The following SLC25A25 variants were observed in gnomAD, a reference collection of about 807,000 sequenced individuals.
SLC25A25 encodes the protein mitochondrial adenyl nucleotide antiporter SLC25A25.
Under a neutral mutation model 57.7 loss-of-function variants are expected in SLC25A25, and 32 were observed. That is an observed-to-expected ratio of 0.55 (90% CI 0.42 to 0.74). The LOEUF is 0.74. SLC25A25 is among the 30% of genes least tolerant of loss of function. The pLI is 0.00. For synonymous variants in SLC25A25, 306 were observed against 291.2 expected (o/e 1.05, Z -0.52); for missense variants, 556 against 701.3 (o/e 0.79, Z 2.34).
At chr9:128,100,922 G>C in intron 1 of SLC25A25, 174 bp from the exon 2 acceptor site, 1 of 813,574 alleles carries the variant, frequency 1.2e-6, no homozygotes, top group East Asian at 2.7e-5. Context: ...TGGTGGCTCT[G>C]GCATGTAAGT....
In SLC25A25 at chr9:128,068,434, G is replaced by A. The variant is rs747145716; in HGVS notation, c.115G>A (p.Ala39Thr). ...PASVGDPCGG[A>T]ICGGPDHRLR... Reference sequence around the variant, plus strand: ...GTCCGTGGGGGACCCCTGCGGCGGCGCTATCTGCGGGGGCCCGGACCACCG... The same window carrying A: ...GTCCGTGGGGGACCCCTGCGGCGGCACTATCTGCGGGGGCCCGGACCACCG... Residue 39 changes from alanine to threonine, a missense_variant, in exon 1 of 11, where the codon GCT (alanine) becomes ACT (threonine). Ala to Thr is a moderately conservative substitution (Grantham distance 58). Transcript: ENST00000373069. 3.9e-6 allele frequency: 6 copies of A among 1,557,844 alleles called. No individual in the cohort carries two copies. Among genetic ancestry groups the A allele is most frequent in the East Asian group, 2.4e-5 (1 of 41,498 alleles).
intron 1 of SLC25A25, among the ~76,000 whole-genome samples, chr9:128,093,439 T>C (rs1833467758): frequency 6.6e-6 from 1 of 152,242 alleles, no homozygotes; most frequent in Non-Finnish European, 1.5e-5. Flanking sequence ...AGTTAACTGC[T>C]CTATTTTTCA....
intron 1 of SLC25A25, among the ~76,000 whole-genome samples, chr9:128,072,411 G>A (rs1205552911): frequency 6.6e-6 from 1 of 152,220 alleles, no homozygotes; most frequent in Non-Finnish European, 1.5e-5. Context: ...TATGAAACCA[G>A]TGTGAGATGC....
chr9:128,108,798 G>GC lies in SLC25A25; in HGVS notation c.*1359dup, dbSNP rs1834155578. 6.6e-6 allele frequency: 1 copy of GC among 152,232 alleles called. No homozygotes were observed. Among genetic ancestry groups the GC allele is most frequent in the Non-Finnish European group, 1.5e-5 (1 of 68,050 alleles). 9.4% of individuals were successfully genotyped at this position (152,232 alleles called of 1,614,324 possible). A position where few individuals can be genotyped will look rare whatever the true frequency, so the allele number is the denominator to read the frequency against. On this transcript the variant is annotated 3_prime_UTR_variant, in exon 11 of 11. Coordinates refer to ENST00000373069, the MANE Select transcript of SLC25A25 (RefSeq NM_001330988.2). ...CCTTTGGCAGGTTGGGGAAGGGCTT[G>GC]CCCCCAGCCTTAGGATTTCAGGGTT...
chr9:128,106,090 G>A, intron 7 of SLC25A25, 60 bp from the exon 8 acceptor site: 4 of 1,600,246 alleles, frequency 2.5e-6, no homozygotes, highest in Non-Finnish European at 3.4e-6. Context: ...GAAGGGAGGG[G>A]CAGCAGCAGG....
intron 1 of SLC25A25, among the ~76,000 whole-genome samples, chr9:128,096,235 G>A (rs1224415752): frequency 2.6e-5 from 4 of 152,156 alleles, no homozygotes; most frequent in East Asian, 1.9e-4. Context: ...GAGGCTAGGC[G>A]CAGTGGCTCA....
chr9:128,076,429 C>T (rs959093475), intron 1 of SLC25A25, among the ~76,000 whole-genome samples: 1 of 150,874 alleles, frequency 6.6e-6, no homozygotes, highest in African/African-American at 2.4e-5. Context: ...CCACGCCCAG[C>T]CTAACTTTTT....
At chr9:128,072,812 T>G (rs893831431) in intron 1 of SLC25A25, among the ~76,000 whole-genome samples, 1 of 152,254 alleles carries the variant, frequency 6.6e-6, no homozygotes, top group African/African-American at 2.4e-5. Context: ...TAAGGCATTT[T>G]CATGTGACCA....
chr9:128,089,270 C>T (rs117510968), intron 1 of SLC25A25, among the ~76,000 whole-genome samples: 1 of 151,976 alleles, frequency 6.6e-6, no homozygotes, highest in Non-Finnish European at 1.5e-5. Context: ...TTGCATGAAT[C>T]GCAATCATTT....
chr9:128,105,624 G>C (rs1833993013), intron 6 of SLC25A25, 105 bp from the exon 7 acceptor site: 1 of 1,544,914 alleles, frequency 6.5e-7, no homozygotes, highest in Non-Finnish European at 8.9e-7. Flanking sequence ...ACGGAAGAAA[G>C]GGCCTTCCCT....
intron 1 of SLC25A25, among the ~76,000 whole-genome samples, chr9:128,100,526 G>T (rs564073806): frequency 1.8e-4 from 27 of 152,150 alleles, no homozygotes; most frequent in Non-Finnish European, 3.1e-4. Context: ...ACACTTCCCC[G>T]GCCTCGGGTG....
In SLC25A25 at chr9:128,102,976, G is replaced by A. The variant is rs570487255; in HGVS notation, c.624+495G>A. 1.2e-4 allele frequency among the ~76,000 whole-genome samples: 19 copies of A among 152,300 alleles called. No individual in the cohort carries two copies. Among genetic ancestry groups the A allele is most frequent in the South Asian group, 8.3e-4 (4 of 4,828 alleles). ...GTGAGTCTGTGCTGGTCTCTGCCCC[G>A]AGCCCTTCATGCTTGGCGTGTCCCT... On this transcript the variant is annotated intron_variant, in intron 5 of 10. Coordinates refer to ENST00000373069, the MANE Select transcript of SLC25A25 (RefSeq NM_001330988.2). The surrounding 1 kb of genome is among the most constrained non-coding windows in gnomAD (Gnocchi z 4.1).
chr9:128,071,238 T>C (rs759333531), intron 1 of SLC25A25, among the ~76,000 whole-genome samples: 4 of 152,196 alleles, frequency 2.6e-5, no homozygotes, highest in Non-Finnish European at 5.9e-5. Flanking sequence ...TTTTTCTTTC[T>C]GGTTTTGAAA....
Position 128,099,358 on chromosome 9 carries a change from C to T in SLC25A25, c.262-1738C>T. On this transcript the variant is annotated intron_variant, in intron 1 of 10. Coordinates refer to ENST00000373069, the MANE Select transcript of SLC25A25 (RefSeq NM_001330988.2). The surrounding 1 kb of genome is among the most constrained non-coding windows in gnomAD (Gnocchi z 6.8). ...AGGCCCTGTGAGGCAGAAGCAAGCA[C>T]TTTGAGAATGCGTTGAAGCCAGCTG... The T allele has an allele frequency of 1.6e-6, 2 of 1,237,376 alleles. No homozygotes were observed. The highest frequency in any genetic ancestry group is 2.1e-6 in the Non-Finnish European group (2 of 965,474). The allele number at this position is 1,237,376 out of a possible 1,614,324, so 76.6% of individuals were successfully genotyped here.
At chr9:128,084,260 ATTTTT>A (rs58266648) in intron 1 of SLC25A25, among the ~76,000 whole-genome samples, 103,817 of 140,446 alleles carry the variant, frequency 0.74, 39,426 homozygotes, top group Non-Finnish European at 0.84. Context: ...ATTAAAACAG[ATTTTT>A]TTTTTTTTTT....
intron 1 of SLC25A25, chr9:128,098,688 C>T: frequency 3.7e-6 from 6 of 1,614,076 alleles, no homozygotes; most frequent in South Asian, 1.1e-5. Flanking sequence ...GTCTTCATCC[C>T]CTCCCAGGAA....
At chr9:128,075,286 A>G (rs959947401) in intron 1 of SLC25A25, among the ~76,000 whole-genome samples, 1 of 145,832 alleles carries the variant, frequency 6.9e-6, no homozygotes, top group Non-Finnish European at 1.5e-5. Context: ...CAGCCTGGGC[A>G]ACAGAACAAG....
At position 128,107,163 on chromosome 9, in the gene SLC25A25, C is replaced by T. The variant is rs752085981; in HGVS notation, c.1347C>T (p.Thr449=). 1.3e-4 allele frequency: 210 copies of T among 1,613,792 alleles called. No individual in the cohort carries two copies. The highest frequency in any genetic ancestry group is 9.3e-6 in the Non-Finnish European group (11 of 1,180,030). The part of the protein sequence containing the change: ...LASYPLALVR[T]RMQAQASIEG... ...GCTACCCCCTGGCCCTAGTCAGGAC[C>T]CGGATGCAGGCGCAAGGTAAGGCTG... Residue 449 remains threonine, a synonymous_variant, in exon 10 of 11, where the codon ACC becomes ACT. Transcript: ENST00000373069.
chr9:128,091,662 T>G (rs1833410013), intron 1 of SLC25A25: 4 of 1,217,536 alleles, frequency 3.3e-6, no homozygotes, highest in Non-Finnish European at 3.1e-6. Flanking sequence ...CTGGCAAGCC[T>G]CCCTTAGAGT....
Sources: gnomAD v4.1 joint callset for allele counts (sites outside exome capture counted in the v4.1 genomes callset) on GRCh38, gnomAD v4.1.1 for gene constraint, Gnocchi (gnomAD v3.1) non-coding constraint, MANE v1.5 for transcripts, NCBI Gene and HGNC (gene_info 2026-07-23, HGNC 2026-07-21) for gene names.